SFMBT1: variants seen among roughly 807,000 people sequenced by gnomAD.
SFMBT1 encodes Scm like with four mbt domains 1.
In SFMBT1, 32 loss-of-function variants were observed where a neutral mutation model predicts 108.7. That is an observed-to-expected ratio of 0.29 (90% confidence interval 0.22 to 0.40). The LOEUF (loss-of-function observed/expected upper bound fraction) is 0.40, where lower values mean the gene tolerates loss of function less well. SFMBT1 is among the 10% of genes least tolerant of loss of function. The probability of loss-of-function intolerance (pLI) is 1.00; values close to 1 mark genes in which losing one functional copy is unlikely to be tolerated. For synonymous variants in SFMBT1, 348 were observed against 369.5 expected (o/e 0.94, Z 0.67); for missense variants, 816 against 1,059.6 (o/e 0.77, Z 3.19).
chr3:53,045,515 C>T (rs867562741), intron 1 of SFMBT1, among the ~76,000 whole-genome samples: 2,586 of 143,764 alleles, frequency 0.018, 78 homozygotes, highest in African/African-American at 0.061. Context: ...TGACGGCCGC[C>T]GCCGCTCTCC....
chr3:53,003,794 T>C (rs1698642277), intron 1 of SFMBT1, among the ~76,000 whole-genome samples: 1 of 148,820 alleles, frequency 6.7e-6, no homozygotes, highest in Admixed American at 6.8e-5. Context: ...ACTGCTGTAT[T>C]TCAGCAGCGT....
intron 1 of SFMBT1, among the ~76,000 whole-genome samples, chr3:53,010,170 G>C (rs1320620881): frequency 6.6e-6 from 1 of 152,140 alleles, no homozygotes; most frequent in Non-Finnish European, 1.5e-5. Flanking sequence ...AAGTAGTAAA[G>C]GAGAAAGAAA....
At chr3:53,028,415 T>C (rs578153384) in intron 1 of SFMBT1, among the ~76,000 whole-genome samples, 1 of 152,304 alleles carries the variant, frequency 6.6e-6, no homozygotes, top group Admixed American at 6.5e-5. Context: ...CTTAGTTCCA[T>C]AAAACTTGTG....
intron 1 of SFMBT1, among the ~76,000 whole-genome samples, chr3:52,998,745 G>A (rs889733985): frequency 2.7e-5 from 4 of 150,656 alleles, no homozygotes; most frequent in African/African-American, 9.7e-5. Context: ...GGTCCTGTGG[G>A]CGTATCAACA....
rs1553637546 is a variant in SFMBT1, at chr3:52,951,128, A to AAAAAAG, written c.123+3188_123+3189insCTTTTT. 1.7e-3 allele frequency among the ~76,000 whole-genome samples: 247 copies of AAAAAAG among 149,514 alleles called. 1 individual carries two copies. The highest frequency in any genetic ancestry group is 5.3e-3 in the African/African-American group (217 of 40,678). ...AAGACTCTTATCTTAAAAAAAAAAA[A>AAAAAAG]AAAAGAAAAATCCAAGGTTTTCTTT... On this transcript the variant is annotated intron_variant, in intron 3 of 20. Coordinates refer to ENST00000394752, the MANE Select transcript of SFMBT1 (RefSeq NM_016329.4).
At chr3:52,982,921 T>C (rs946360818) in intron 1 of SFMBT1, among the ~76,000 whole-genome samples, 1 of 151,812 alleles carries the variant, frequency 6.6e-6, no homozygotes, top group African/African-American at 2.4e-5. Context: ...GGCAGAAGGG[T>C]TTGGATTACT....
chr3:52,906,050 C>G, intron 20 of SFMBT1, 63 bp downstream of exon 20: 1 of 1,551,250 alleles, frequency 6.4e-7, no homozygotes, highest in Non-Finnish European at 8.9e-7. Context: ...AAATTGTTGA[C>G]TATTACATCC....
At chr3:52,922,310 T>TGAA (rs1368817335) in intron 10 of SFMBT1, among the ~76,000 whole-genome samples, 2 of 152,172 alleles carry the variant, frequency 1.3e-5, no homozygotes, top group East Asian at 3.9e-4. Context: ...GCAGTTAGGA[T>TGAA]GAAGAATGTT....
chr3:53,036,340 T>G (rs1699868407), intron 1 of SFMBT1, among the ~76,000 whole-genome samples: 1 of 152,240 alleles, frequency 6.6e-6, no homozygotes, highest in Non-Finnish European at 1.5e-5. Flanking sequence ...TAGAAAGATT[T>G]CATTTGAACA....
At position 52,985,499 on chromosome 3, in the gene SFMBT1, AT is replaced by A. The variant is rs575074871; in HGVS notation, c.-130-16242del. Among the ~76,000 whole-genome samples the A allele has an allele frequency of 5.9e-5, 9 of 152,326 alleles. No homozygotes were observed. In the South Asian group the frequency reaches 1.9e-3, roughly 32 times the overall value. On this transcript the variant is annotated intron_variant, in intron 1 of 20. Coordinates refer to ENST00000394752, the MANE Select transcript of SFMBT1 (RefSeq NM_016329.4). ...TAAGCTTAATATTTAAGTGTTTATT[AT>A]TTTTTAATAATCTTTTATTTAATCC...
intron 1 of SFMBT1, among the ~76,000 whole-genome samples, chr3:52,981,307 T>C (rs1038074493): frequency 6.6e-6 from 1 of 152,036 alleles, no homozygotes; most frequent in African/African-American, 2.4e-5. Context: ...AGCAAATGAG[T>C]TCCCCAATGC....
chr3:52,916,037 C>A, intron 14 of SFMBT1, 113 bp downstream of exon 14: 1 of 780,226 alleles, frequency 1.3e-6, no homozygotes, highest in Non-Finnish European at 2.1e-6. Flanking sequence ...ATTAAGAGAC[C>A]CCTCTATGAA....
Position 52,910,986 on chromosome 3 carries a change from G to A in SFMBT1, c.1906+17C>T. The A allele has an allele frequency of 1.2e-6, 2 of 1,613,206 alleles. No individual in the cohort carries two copies. Among genetic ancestry groups the A allele is most frequent in the Non-Finnish European group, 8.5e-7 (1 of 1,179,266 alleles). The stretch of plus-strand genomic sequence containing the variant: ...GGTCAGCTGCTATGGTTAACACATT[G>A]GAAAAACATGACTCACTGTATTTGG... On this transcript the variant is annotated intron_variant, in intron 17 of 20. Transcript: ENST00000394752.
chr3:52,972,976 C>T (rs1251151330), intron 1 of SFMBT1, among the ~76,000 whole-genome samples: 1 of 151,990 alleles, frequency 6.6e-6, no homozygotes, highest in Non-Finnish European at 1.5e-5. Context: ...GAGCCAAGAT[C>T]GTACCACTGC....
chr3:52,961,862 G>A (rs1178969154), intron 2 of SFMBT1, among the ~76,000 whole-genome samples: 1 of 152,072 alleles, frequency 6.6e-6, no homozygotes. Context: ...TCCTTAAATA[G>A]CATGTTAATT....
At chr3:53,007,088 T>C (rs1698771717) in intron 1 of SFMBT1, among the ~76,000 whole-genome samples, 1 of 152,252 alleles carries the variant, frequency 6.6e-6, no homozygotes, top group Non-Finnish European at 1.5e-5. Flanking sequence ...ATGTGACAGA[T>C]GGGTGAGGAG....
intron 1 of SFMBT1, among the ~76,000 whole-genome samples, chr3:52,994,167 T>C (rs1410071534): frequency 6.6e-6 from 1 of 150,382 alleles, no homozygotes; most frequent in African/African-American, 2.4e-5. Flanking sequence ...TTAGAAAAAA[T>C]ACCTACTTGT....
At chr3:52,985,384 T>C (rs1704869133) in intron 1 of SFMBT1, among the ~76,000 whole-genome samples, 1 of 152,234 alleles carries the variant, frequency 6.6e-6, no homozygotes, top group Non-Finnish European at 1.5e-5. Flanking sequence ...AAAGAAAAGA[T>C]TATTTGAGTA....
rs573484975 is a variant in SFMBT1 at position 52,949,614 on chromosome 3, T to C, written c.123+4703A>G. 8.8e-5 allele frequency among the ~76,000 whole-genome samples: 13 copies of C among 147,656 alleles called. No homozygotes were observed. The South Asian group carries it at 3.0e-3, about 34-fold the overall frequency. ...TTTTTTTGAGACCGAGTTTCACTCT[T>C]GTTGCCCAAGCTGGAGTGCAGTGGC... On this transcript the variant is annotated intron_variant, in intron 3 of 20. Transcript: ENST00000394752.
Sources: allele counts gnomAD v4.1 joint callset (sites outside exome capture counted in the v4.1 genomes callset), GRCh38; gene constraint gnomAD v4.1.1; transcripts MANE v1.5; gene names NCBI Gene and HGNC (gene_info 2026-07-23, HGNC 2026-07-21).